HACL2: variants seen among roughly 807,000 people sequenced by gnomAD.
The protein encoded by HACL2 is 2-hydroxyacyl-CoA lyase 1 like.
At chr19:15,124,660 AAG>A in the HACL2 span, 2 of 519,604 alleles carry the variant, frequency 3.8e-6, no homozygotes, top group African/African-American at 2.0e-5. Flanking sequence ...GTTCTGTGAA[AAG>A]AGTCACTGGG....
chr19:15,124,811 G>T, the HACL2 span: 1 of 1,377,274 alleles, frequency 7.3e-7, no homozygotes, highest in Non-Finnish European at 9.9e-7. Context: ...CAGTCCCTCT[G>T]GACTAGTCGG....
the HACL2 span, chr19:15,116,437 T>TCC: frequency 6.2e-6 from 10 of 1,613,780 alleles, no homozygotes; most frequent in African/African-American, 1.3e-5. Context: ...GCCGGTCGGC[T>TCC]TCCCGCAGCT....
chr19:15,115,460 C>G, the HACL2 span: 2 of 1,609,586 alleles, frequency 1.2e-6, no homozygotes, highest in Non-Finnish European at 1.7e-6. Flanking sequence ...CGGATAGTGG[C>G]AAGGACTCAG....
chr19:15,116,695 C>G, the HACL2 span: 37 of 598,306 alleles, frequency 6.2e-5, no homozygotes, highest in Non-Finnish European at 9.4e-5. Context: ...CCTGCCAGAA[C>G]CAGGGGAGGG....
the HACL2 span, chr19:15,123,948 A>C: frequency 4.1e-6 from 1 of 242,344 alleles, no homozygotes. The surrounding 1 kb of genome is among the most constrained non-coding windows in gnomAD (Gnocchi z 5.1). Flanking sequence ...CAGGGGCACA[A>C]CGCACGCAGA....
At chr19:15,121,583 T>C in the HACL2 span, among the ~76,000 whole-genome samples, 1 of 150,622 alleles carries the variant, frequency 6.6e-6, no homozygotes, top group Non-Finnish European at 1.5e-5. Flanking sequence ...CCGAGGAGGG[T>C]GGATCACTTG....
At chr19:15,120,805 C>T in the HACL2 span, among the ~76,000 whole-genome samples, 13 of 152,148 alleles carry the variant, frequency 8.5e-5, no homozygotes, top group East Asian at 2.3e-3. Context: ...TGGGAAGCCC[C>T]GCAAGTAAAG....
chr19:15,119,876 A>G, the HACL2 span: 2 of 756,870 alleles, frequency 2.6e-6, no homozygotes, highest in African/African-American at 1.8e-5. Flanking sequence ...AGTCGCCATG[A>G]GCACCCAAGA....
At chr19:15,115,315 G>A in the HACL2 span, 2 of 1,614,196 alleles carry the variant, frequency 1.2e-6, no homozygotes, top group Non-Finnish European at 1.7e-6. Flanking sequence ...CCACAACCGG[G>A]TGGCCGTCTC....
the HACL2 span, among the ~76,000 whole-genome samples, chr19:15,122,043 G>A: frequency 4.4e-4 from 64 of 146,134 alleles, no homozygotes; most frequent in South Asian, 0.011. This position sits in a 1 kb window ranked among gnomAD's most constrained non-coding sequence, Gnocchi z 4.0. Context: ...GACTACAGGC[G>A]CCCGCCACCA....
chr19:15,118,157 G>T, the HACL2 span: 2 of 1,013,480 alleles, frequency 2.0e-6, no homozygotes, highest in Non-Finnish European at 2.9e-6. Flanking sequence ...TGACCTTGCA[G>T]CTCCCCACAC....
chr19:15,122,712 C>G, the HACL2 span: 1 of 1,614,150 alleles, frequency 6.2e-7, no homozygotes, highest in Non-Finnish European at 8.5e-7. The surrounding 1 kb of genome is among the most constrained non-coding windows in gnomAD (Gnocchi z 4.0). Flanking sequence ...ACTCGGCCCA[C>G]GAGGCCCTTG....
At chr19:15,122,971 A>G in the HACL2 span, 1 of 1,603,752 alleles carries the variant, frequency 6.2e-7, no homozygotes, top group Non-Finnish European at 8.5e-7. This position sits in a 1 kb window ranked among gnomAD's most constrained non-coding sequence, Gnocchi z 4.0. Flanking sequence ...CAGACACACA[A>G]AACTTACAGA....
At chr19:15,117,788 T>C in the HACL2 span, 1 of 1,492,528 alleles carries the variant, frequency 6.7e-7, no homozygotes. Flanking sequence ...TGGGCCTCAA[T>C]CACTGTACCA....
At chr19:15,121,479 G>T in the HACL2 span, among the ~76,000 whole-genome samples, 3 of 152,084 alleles carry the variant, frequency 2.0e-5, no homozygotes, top group Non-Finnish European at 4.4e-5. Flanking sequence ...AGAGAAGGAG[G>T]AAGAAGAGGA....
chr19:15,115,021 C>G, the HACL2 span: 1 of 599,242 alleles, frequency 1.7e-6, no homozygotes, highest in Non-Finnish European at 3.0e-6. Flanking sequence ...GTGGTTTATT[C>G]AGTCTCCATA....
the HACL2 span, among the ~76,000 whole-genome samples, chr19:15,120,924 CCT>C: frequency 6.6e-6 from 1 of 151,668 alleles, no homozygotes; most frequent in Non-Finnish European, 1.5e-5. Flanking sequence ...AGAGTGAGGC[CCT>C]GTCTCAAAAC....
At chr19:15,119,443 TGAGCAG>T in the HACL2 span, 2 of 1,613,994 alleles carry the variant, frequency 1.2e-6, no homozygotes, top group African/African-American at 2.7e-5. Context: ...GACGTTGGGG[TGAGCAG>T]GGCCTGACTC....
chr19:15,123,332 C>G, the HACL2 span: 1 of 1,606,828 alleles, frequency 6.2e-7, no homozygotes. This position sits in a 1 kb window ranked among gnomAD's most constrained non-coding sequence, Gnocchi z 5.1. Flanking sequence ...ACACTCTAGC[C>G]CACAGTCCAA....
Sources: allele counts gnomAD v4.1 joint callset (sites outside exome capture counted in the v4.1 genomes callset), GRCh38; gene constraint gnomAD v4.1.1; non-coding constraint Gnocchi (gnomAD v3.1); transcripts MANE v1.5; gene names NCBI Gene and HGNC (gene_info 2026-07-23, HGNC 2026-07-21).